The following NOB1 variants were observed in gnomAD, a reference collection of about 807,000 sequenced individuals.
NOB1 encodes the protein RNA-binding protein NOB1.
Under a neutral mutation model 44.8 loss-of-function variants are expected in NOB1, and 44 were observed. The observed-to-expected ratio is 0.98, with a 90% confidence interval of 0.77 to 1.26. The LOEUF (loss-of-function observed/expected upper bound fraction) is 1.26, where lower values mean the gene tolerates loss of function less well. Ranked by LOEUF, NOB1 falls within the 50% of genes most tolerant of loss-of-function variation. The probability of loss-of-function intolerance (pLI) is 0.00; values close to 1 mark genes in which losing one functional copy is unlikely to be tolerated. For missense variants in NOB1, 560 were observed against 544.8 expected (o/e 1.03, Z -0.28); for synonymous variants, 238 against 218.7 (o/e 1.09, Z -0.78).
Position 69,752,335 on chromosome 16 carries a change from C to G in NOB1, c.233G>C (p.Ser78Thr). ...EFSKKTGDYP[S>T]LSATDIQVLA... ...CACTTGGATGTCCGTGGCAGAGAGG[C>G]TGGGGTAGTCTCCTGTTTTCTTTGA... Residue 78 changes from serine (S) to threonine (T), a missense_variant, in exon 3 of 9, where the codon AGC becomes ACC. Coordinates refer to ENST00000268802, the MANE Select transcript of NOB1 (RefSeq NM_014062.3). 1 of 1,613,796 alleles carries G rather than the reference C, an allele frequency of 6.2e-7. No homozygotes were observed. The highest frequency in any genetic ancestry group is 1.1e-5 in the South Asian group (1 of 91,074).
At position 69,742,220 on chromosome 16, in the gene NOB1, C is replaced by A. The variant is rs2038387341; in HGVS notation, c.*112G>T. 1.1e-5 allele frequency: 15 copies of A among 1,390,958 alleles called. No individual in the cohort carries two copies. The highest frequency in any genetic ancestry group is 1.0e-4 in the Admixed American group (5 of 47,782). 86.2% of individuals were successfully genotyped at this position (1,390,958 alleles called of 1,614,324 possible). ...GGCGGACAGAGCCGCACCGTGAAGC[C>A]CGCCTGTTATTTCCATCGGGTGGTC... On this transcript the variant is annotated 3_prime_UTR_variant, in exon 9 of 9. Transcript: ENST00000268802.
chr16:69,742,253 C>T lies in NOB1; in HGVS notation c.*79G>A. 5 of 1,544,336 alleles carry T rather than the reference C, an allele frequency of 3.2e-6. No homozygotes were observed. Among genetic ancestry groups the T allele is most frequent in the Non-Finnish European group, 4.4e-6 (5 of 1,137,552 alleles). On this transcript the variant is annotated 3_prime_UTR_variant, in exon 9 of 9. Coordinates refer to ENST00000268802, the MANE Select transcript of NOB1 (RefSeq NM_014062.3). ...TATTTCCATCGGGTGGTCCTGGAGA[C>T]GACACGGCTGGGGAAATGGGTCACC...
Position 69,752,228 on chromosome 16 carries a change from C to T in NOB1, c.327+13G>A. 1 of 1,607,930 alleles carries T rather than the reference C, an allele frequency of 6.2e-7. No homozygotes were observed. Among genetic ancestry groups the T allele is most frequent in the East Asian group, 2.2e-5 (1 of 44,710 alleles). On this transcript the variant is annotated intron_variant, in intron 3 of 8. Transcript: ENST00000268802. ...TAATACAAAGCTTTTAAAAACCCAT[C>T]CTCTTGATTTACCTTCTGTGGTTCT... is the stretch of plus-strand genomic sequence containing the variant.
Position 69,748,257 on chromosome 16 carries a change from T to C in NOB1, c.799A>G (p.Ile267Val), listed in dbSNP as rs746101501. 2 of 1,613,954 alleles carry C rather than the reference T, an allele frequency of 1.2e-6. No homozygotes were observed. The highest frequency in any genetic ancestry group is 3.3e-5 in the Admixed American group (2 of 60,016). ...GMLIREARSY[I>V]LRCHGCFKTT... ...TTGAAACAGCCATGGCAGCGCAAGA[T>C]GTAGCTCCGGGCCTCACGAATCAGC... The change falls in exon 7 of 9, where the codon ATC becomes GTC. Residue 267 changes from isoleucine to valine, a missense_variant. Coordinates refer to ENST00000268802, the MANE Select transcript of NOB1 (RefSeq NM_014062.3).
At chr16:69,747,658 G>A (rs910809663) in intron 7 of NOB1, among the ~76,000 whole-genome samples, 35 of 151,858 alleles carry the variant, frequency 2.3e-4, no homozygotes, top group African/African-American at 7.5e-4. Flanking sequence ...CAAACATTTC[G>A]GTATGTACCG....
intron 8 of NOB1, among the ~76,000 whole-genome samples, chr16:69,743,330 T>C (rs571938536): frequency 6.6e-6 from 1 of 152,296 alleles, no homozygotes; most frequent in African/African-American, 2.4e-5. Flanking sequence ...CTATAATAAC[T>C]GTTTCAGGCA....
chr16:69,742,135 G>A lies in NOB1; in HGVS notation c.*197C>T. On this transcript the variant is annotated 3_prime_UTR_variant, in exon 9 of 9. Transcript: ENST00000268802. ...TTGCACTTCCTTGGCAGGCAGCCAG[G>A]CGCTCCGGTGCTCACAGGCCATGGG... 1 of 575,152 alleles carries A rather than the reference G, an allele frequency of 1.7e-6. No homozygotes were observed. The highest frequency in any genetic ancestry group is 3.0e-6 in the Non-Finnish European group (1 of 338,276). 35.6% of individuals were successfully genotyped at this position (575,152 alleles called of 1,614,324 possible).
intron 3 of NOB1, among the ~76,000 whole-genome samples, chr16:69,751,710 A>C (rs1177642895): frequency 1.3e-5 from 2 of 152,224 alleles, no homozygotes; most frequent in African/African-American, 4.8e-5. Context: ...CTTGATCTTT[A>C]GAGACATACC....
In NOB1 at chr16:69,742,192, A is replaced by G. The variant is rs2038386958; in HGVS notation, c.*140T>C. On this transcript the variant is annotated 3_prime_UTR_variant, in exon 9 of 9. Transcript: ENST00000268802. ...CAGTTCCCTGCAGACCCAGCGGGGCATGGGCGGACAGAGCCGCACCGTGAA... is the reference window on the plus strand; with the variant it reads ...CAGTTCCCTGCAGACCCAGCGGGGCGTGGGCGGACAGAGCCGCACCGTGAA... The G allele has an allele frequency of 3.7e-6, 4 of 1,093,674 alleles. No homozygotes were observed. The highest frequency in any genetic ancestry group is 5.2e-6 in the Non-Finnish European group (4 of 764,048). 67.7% of individuals were successfully genotyped at this position (1,093,674 alleles called of 1,614,324 possible).
chr16:69,748,215 G>A lies in NOB1; in HGVS notation c.824+17C>T. On this transcript the variant is annotated intron_variant, in intron 7 of 8. Transcript: ENST00000268802. ...TGTTCCACAGAGGGCACCAGGGCCAGGGCACCAGCTACATACTTGAAACAG... is the reference window on the plus strand; with the variant it reads ...TGTTCCACAGAGGGCACCAGGGCCAAGGCACCAGCTACATACTTGAAACAG... 6.3e-7 allele frequency: 1 copy of A among 1,595,672 alleles called. No individual in the cohort carries two copies. Among genetic ancestry groups the A allele is most frequent in the Non-Finnish European group, 8.6e-7 (1 of 1,163,888 alleles).
In NOB1 at chr16:69,742,645, C is replaced by T. The variant is rs200545182; in HGVS notation, c.970-44G>A. On this transcript the variant is annotated intron_variant, in intron 8 of 8. Coordinates refer to ENST00000268802, the MANE Select transcript of NOB1 (RefSeq NM_014062.3). ...AGGGCCATTAGAAGAAGGGGAGCCA[C>T]AGTCACACAAGGCCATGGCTGGTAA... is the stretch of plus-strand genomic sequence containing the variant. The T allele has an allele frequency of 2.3e-3, 3,691 of 1,600,212 alleles. 102 individuals are homozygous for T. In the South Asian group the frequency reaches 0.039, roughly 17 times the overall value.
In NOB1 at chr16:69,752,306, C is replaced by T. The variant is rs1246679557; in HGVS notation, c.262G>A (p.Ala88Thr). 6.2e-7 allele frequency: 1 copy of T among 1,613,708 alleles called. No individual in the cohort carries two copies. The highest frequency in any genetic ancestry group is 1.3e-5 in the African/African-American group (1 of 74,914). ...SLSATDIQVL[A>T]LTYQLEAEFV... ...TCTGCTTCCAACTGGTATGTGAGTG[C>T]AAGCACTTGGATGTCCGTGGCAGAG... Residue 88 changes from alanine to threonine, a missense_variant, in exon 3 of 9, where the codon GCA (alanine) becomes ACA (threonine). Physicochemically the swap from Ala to Thr is moderately conservative, Grantham distance 58 (BLOSUM62 0). Coordinates refer to ENST00000268802, the MANE Select transcript of NOB1 (RefSeq NM_014062.3).
intron 5 of NOB1, 46 bp from the exon 6 acceptor site, chr16:69,749,164 TGGA>T (rs751394022): frequency 4.6e-5 from 74 of 1,613,352 alleles, no homozygotes; most frequent in South Asian, 6.6e-5. Flanking sequence ...ACAGGAGCAG[TGGA>T]GGAGAAGTTG....
Position 69,744,895 on chromosome 16 carries a change from A to G in NOB1, c.947T>C (p.Val316Ala), listed in dbSNP as rs1169076635. ...LHMHFSRNPK[V>A]LNPRGLRYSL... The stretch of plus-strand genomic sequence containing the variant: ...CACCCGGAGGCCGCGGGGGTTCAGC[A>G]CCTTGGGGTTGCGGGAGAAGTGCAT... The change falls in exon 8 of 9, where the codon GTG becomes GCG. Residue 316 changes from valine to alanine, a missense_variant. By Grantham distance (64) the Val-to-Ala change is moderately conservative. Transcript: ENST00000268802. 8 of 1,613,630 alleles carry G rather than the reference A, an allele frequency of 5.0e-6. No homozygotes were observed. The highest frequency in any genetic ancestry group is 1.3e-5 in the African/African-American group (1 of 74,916).
intron 3 of NOB1, 54 bp from the exon 4 acceptor site, chr16:69,749,684 GTTT>G: frequency 3.3e-6 from 4 of 1,206,652 alleles, no homozygotes; most frequent in South Asian, 1.5e-5. Context: ...AAGATATCCA[GTTT>G]TTTTTTTTGG....
intron 8 of NOB1, among the ~76,000 whole-genome samples, chr16:69,743,211 A>G (rs2038399804): frequency 6.6e-6 from 1 of 152,160 alleles, no homozygotes; most frequent in South Asian, 2.1e-4. Context: ...ACAAGACCAC[A>G]CTCATAGAAA....
At position 69,745,646 on chromosome 16, in the gene NOB1, C is replaced by A. The variant is rs535643092; in HGVS notation, c.825-629G>T. 5.3e-5 allele frequency among the ~76,000 whole-genome samples: 8 copies of A among 152,370 alleles called. No homozygotes were observed. In the South Asian group the frequency reaches 1.7e-3, roughly 32 times the overall value. ...AGAACCAAGGCTTCCCCCACCTATG[C>A]ACTCAAGCCCCGACAGTGGACTCTC... is the stretch of plus-strand genomic sequence containing the variant. On this transcript the variant is annotated intron_variant, in intron 7 of 8. Coordinates refer to ENST00000268802, the MANE Select transcript of NOB1 (RefSeq NM_014062.3).
chr16:69,750,239 A>G (rs1014156907), intron 3 of NOB1, among the ~76,000 whole-genome samples: 15 of 151,886 alleles, frequency 9.9e-5, no homozygotes, highest in African/African-American at 3.6e-4. Flanking sequence ...TCCCAGCCTC[A>G]AGTGATCTGC....
intron 3 of NOB1, among the ~76,000 whole-genome samples, chr16:69,751,590 T>C (rs2038483156): frequency 6.6e-6 from 1 of 152,194 alleles, no homozygotes; most frequent in Admixed American, 6.5e-5. Context: ...AACAAACGCT[T>C]TAACATTTAC....
Sources: gnomAD v4.1 joint callset for allele counts (sites outside exome capture counted in the v4.1 genomes callset) on GRCh38, gnomAD v4.1.1 for gene constraint, MANE v1.5 for transcripts, NCBI Gene and HGNC (gene_info 2026-07-23, HGNC 2026-07-21) for gene names.